The following PHF24 variants were observed in gnomAD, a reference collection of about 807,000 sequenced individuals.
The protein encoded by PHF24 is Galpha inhibitory interacting protein.
Under a neutral mutation model 42.6 loss-of-function variants are expected in PHF24, and 25 were observed. The ratio of observed to expected loss-of-function variants is 0.59; its 90% CI spans 0.43 to 0.82. The LOEUF (loss-of-function observed/expected upper bound fraction) is 0.82. Among genes scored for constraint, PHF24 ranks in the 40% least tolerant of loss-of-function variants. The pLI, the probability that PHF24 is intolerant of heterozygous loss-of-function variation, is 0.00. For missense variants in PHF24, 470 were observed against 538.1 expected, an observed-to-expected ratio of 0.87 and a Z score of 1.25; for synonymous variants, 185 against 204.8, an observed-to-expected ratio of 0.90 and a Z score of 0.83.
the PHF24 span, among the ~76,000 whole-genome samples, chr9:34,950,801 A>G: frequency 6.6e-6 from 1 of 152,318 alleles, no homozygotes; most frequent in East Asian, 1.9e-4. Flanking sequence ...CAAAGCAAAC[A>G]TAAGGAGGAA....
chr9:34,786,802 A>G, the PHF24 span, among the ~76,000 whole-genome samples: 1 of 152,234 alleles, frequency 6.6e-6, no homozygotes, highest in African/African-American at 2.4e-5. Context: ...CTCATGCTTC[A>G]GGTCTCTTGG....
At chr9:34,845,873 G>C in the PHF24 span, among the ~76,000 whole-genome samples, 18 of 151,568 alleles carry the variant, frequency 1.2e-4, no homozygotes, top group Non-Finnish European at 2.1e-4. Context: ...TCTTGCGATA[G>C]TTTACTGAGA....
the PHF24 span, among the ~76,000 whole-genome samples, chr9:34,938,934 CA>C: frequency 0.061 from 3,862 of 63,386 alleles, 54 homozygotes; most frequent in African/African-American, 0.13. Context: ...GAGACTCCAT[CA>C]AAAAAAAAAA....
the PHF24 span, among the ~76,000 whole-genome samples, chr9:34,747,180 TG>T: frequency 4.6e-5 from 7 of 151,980 alleles, no homozygotes; most frequent in Non-Finnish European, 7.4e-5. Context: ...GACTGTGGGT[TG>T]GGGGGTGGGG....
chr9:34,860,573 T>G, the PHF24 span, among the ~76,000 whole-genome samples: 1 of 152,260 alleles, frequency 6.6e-6, no homozygotes, highest in Admixed American at 6.5e-5. Flanking sequence ...TCCTTCTATT[T>G]TTTTCTCTCT....
the PHF24 span, among the ~76,000 whole-genome samples, chr9:34,814,036 C>A: frequency 7.7e-4 from 117 of 152,282 alleles, no homozygotes; most frequent in African/African-American, 2.7e-3. Flanking sequence ...CTCAAGTTAC[C>A]ACAGATTCTT....
the PHF24 span, among the ~76,000 whole-genome samples, chr9:34,697,990 G>A: frequency 2.6e-5 from 4 of 152,180 alleles, no homozygotes; most frequent in Admixed American, 2.6e-4. Context: ...CTGTAGGGAT[G>A]AGTGGTAATC....
chr9:34,807,800 G>A, the PHF24 span, among the ~76,000 whole-genome samples: 31 of 151,774 alleles, frequency 2.0e-4, no homozygotes, highest in African/African-American at 6.8e-4. Context: ...AACCAGAAGC[G>A]GTGCATCTGA....
At chr9:34,667,614 C>T in the PHF24 span, among the ~76,000 whole-genome samples, 9 of 152,166 alleles carry the variant, frequency 5.9e-5, no homozygotes, top group African/African-American at 2.2e-4. Context: ...GTGGCTCTTG[C>T]TCTGGGAAAG....
the PHF24 span, among the ~76,000 whole-genome samples, chr9:34,944,118 A>G: frequency 6.6e-6 from 1 of 152,250 alleles, no homozygotes; most frequent in Non-Finnish European, 1.5e-5. Context: ...AACATTGGCC[A>G]TCACTTTCTT....
At chr9:34,969,467 C>T (rs1223241766) in intron 1 of PHF24, among the ~76,000 whole-genome samples, 1 of 151,896 alleles carries the variant, frequency 6.6e-6, no homozygotes, top group African/African-American at 2.4e-5. Flanking sequence ...CGGTGAAACC[C>T]CGTCTCTACT....
the PHF24 span, among the ~76,000 whole-genome samples, chr9:34,948,960 G>A: frequency 1.2e-3 from 176 of 152,288 alleles, no homozygotes; most frequent in Non-Finnish European, 1.9e-3. Flanking sequence ...ATTATATAAT[G>A]ATAAGCGGGT....
chr9:34,823,046 A>G, the PHF24 span, among the ~76,000 whole-genome samples: 1 of 149,878 alleles, frequency 6.7e-6, no homozygotes, highest in Non-Finnish European at 1.5e-5. Flanking sequence ...AATACAAAAA[A>G]TTAGCCGGGC....
chr9:34,918,195 C>T, the PHF24 span: 1 of 1,451,376 alleles, frequency 6.9e-7, no homozygotes, highest in Non-Finnish European at 9.7e-7. Flanking sequence ...TGAAGACCAT[C>T]ACCCCTCTGC....
At chr9:34,902,614 A>T in the PHF24 span, among the ~76,000 whole-genome samples, 2 of 152,296 alleles carry the variant, frequency 1.3e-5, no homozygotes, top group Non-Finnish European at 2.9e-5. Context: ...TGATCACACC[A>T]TTGCACTCCA....
chr9:34,909,778 T>C, the PHF24 span, among the ~76,000 whole-genome samples: 401 of 152,264 alleles, frequency 2.6e-3, 1 homozygote, highest in African/African-American at 4.8e-3. Context: ...TCCGCCACCA[T>C]GCCTGGCTAA....
the PHF24 span, among the ~76,000 whole-genome samples, chr9:34,754,659 A>C: frequency 6.6e-6 from 1 of 152,134 alleles, no homozygotes; most frequent in Admixed American, 6.5e-5. Flanking sequence ...TTCCCAAAAA[A>C]CTAAAAATAG....
chr9:34,936,521 T>C, the PHF24 span, among the ~76,000 whole-genome samples: 15 of 127,866 alleles, frequency 1.2e-4, no homozygotes, highest in African/African-American at 2.4e-4. Flanking sequence ...CGTCTCTGCC[T>C]GGCCGCCCAT....
the PHF24 span, among the ~76,000 whole-genome samples, chr9:34,924,324 T>G: frequency 9.0e-6 from 1 of 111,256 alleles, no homozygotes; most frequent in Non-Finnish European, 1.9e-5. Flanking sequence ...CTTTTGTTTC[T>G]TTGTTGATCT....
Sources: gnomAD v4.1 joint callset for allele counts (sites outside exome capture counted in the v4.1 genomes callset) on GRCh38, gnomAD v4.1.1 for gene constraint, MANE v1.5 for transcripts, NCBI Gene and HGNC (gene_info 2026-07-23, HGNC 2026-07-21) for gene names.